Variants in NDRG3 observed in about 807,000 individuals in gnomAD.
NDRG3 encodes the protein NDRG family member 3.
NDRG3 carries 23 observed loss-of-function variants against 57.2 expected under a neutral mutation model. The ratio of observed to expected loss-of-function variants is 0.40; its 90% CI spans 0.29 to 0.57. The LOEUF (loss-of-function observed/expected upper bound fraction) is 0.57. NDRG3 is among the 20% of genes least tolerant of loss of function. NDRG3 has a pLI of 0.42. For missense variants in NDRG3, 384 were observed against 457.3 expected, an observed-to-expected ratio of 0.84 and a Z score of 1.46; for synonymous variants, 132 against 162.6, an observed-to-expected ratio of 0.81 and a Z score of 1.43.
At chr20:36,733,171 A>AAAATAT (rs1555807709) in intron 1 of NDRG3, among the ~76,000 whole-genome samples, 13 of 33,214 alleles carry the variant, frequency 3.9e-4, no homozygotes, top group East Asian at 1.4e-3. Context: ...AAAAAAAAAA[A>AAAATAT]ATATATATAT....
intron 8 of NDRG3, among the ~76,000 whole-genome samples, chr20:36,673,869 C>T (rs1267834066): frequency 6.6e-6 from 1 of 151,960 alleles, no homozygotes; most frequent in Non-Finnish European, 1.5e-5. Flanking sequence ...CTTTGGGAGG[C>T]CAAGACGGGT....
chr20:36,667,024 C>T (rs1371654074), intron 9 of NDRG3, among the ~76,000 whole-genome samples: 1 of 151,952 alleles, frequency 6.6e-6, no homozygotes, highest in Non-Finnish European at 1.5e-5. Context: ...TTAGTAGAGA[C>T]GGGGTCTCAC....
intron 13 of NDRG3, among the ~76,000 whole-genome samples, chr20:36,658,643 A>G (rs1978888585): frequency 6.6e-6 from 1 of 152,216 alleles, no homozygotes; most frequent in East Asian, 1.9e-4. Flanking sequence ...AATCTACAGT[A>G]GTCCAAGTTC....
At chr20:36,674,376 T>C (rs1056841553) in intron 8 of NDRG3, among the ~76,000 whole-genome samples, 26 of 151,468 alleles carry the variant, frequency 1.7e-4, no homozygotes, top group Non-Finnish European at 3.5e-4. Context: ...CTAATTTTTG[T>C]ATTTTTAGTA....
At chr20:36,729,331 A>G (rs1445240759) in intron 1 of NDRG3, among the ~76,000 whole-genome samples, 1 of 152,184 alleles carries the variant, frequency 6.6e-6, no homozygotes, top group Non-Finnish European at 1.5e-5. Context: ...TACTTGGCAA[A>G]CAGTTTCAGA....
At chr20:36,696,486 C>T (rs1371844944) in intron 3 of NDRG3, among the ~76,000 whole-genome samples, 2 of 151,488 alleles carry the variant, frequency 1.3e-5, no homozygotes, top group East Asian at 3.9e-4. Flanking sequence ...TGGCCTCTGG[C>T]TTTTTCTTTC....
intron 2 of NDRG3, among the ~76,000 whole-genome samples, chr20:36,716,335 C>T (rs1171543454): frequency 2.0e-5 from 3 of 152,054 alleles, no homozygotes; most frequent in Non-Finnish European, 4.4e-5. Context: ...GAGTTCAAGA[C>T]CAGCCTGGCC....
intron 5 of NDRG3, among the ~76,000 whole-genome samples, chr20:36,687,009 C>T (rs1451479547): frequency 2.0e-5 from 3 of 152,078 alleles, no homozygotes; most frequent in Admixed American, 6.6e-5. Flanking sequence ...TGAACACCAC[C>T]ATGCCTGGCT....
At chr20:36,744,867 T>C (rs1986105783) in intron 1 of NDRG3, among the ~76,000 whole-genome samples, 2 of 151,426 alleles carry the variant, frequency 1.3e-5, no homozygotes, top group Admixed American at 6.6e-5. Context: ...AAATCTGCTC[T>C]GTCACCTCCA....
chr20:36,665,146 T>C, intron 11 of NDRG3, 49 bp from the exon 12 acceptor site: 4 of 1,609,834 alleles, frequency 2.5e-6, no homozygotes, highest in Non-Finnish European at 3.4e-6. Flanking sequence ...GCACATAAAT[T>C]CCACTGAACA....
intron 2 of NDRG3, among the ~76,000 whole-genome samples, chr20:36,710,460 G>GA (rs1200892052): frequency 1.3e-5 from 2 of 151,698 alleles, no homozygotes; most frequent in Non-Finnish European, 2.9e-5. Context: ...TAGAAAACTA[G>GA]AAAAAAAGGG....
chr20:36,735,017 A>G (rs1195572698), intron 1 of NDRG3, among the ~76,000 whole-genome samples: 1 of 152,196 alleles, frequency 6.6e-6, no homozygotes, highest in Non-Finnish European at 1.5e-5. Flanking sequence ...AAGGGAGGAT[A>G]ACTTAAAGGC....
At chr20:36,739,094 C>G (rs1238536820) in intron 1 of NDRG3, among the ~76,000 whole-genome samples, 1 of 139,782 alleles carries the variant, frequency 7.2e-6, no homozygotes, top group African/African-American at 2.7e-5. Flanking sequence ...GAAATCCTGC[C>G]ACTGCACTCC....
At chr20:36,724,664 G>A (rs1044404197) in intron 1 of NDRG3, among the ~76,000 whole-genome samples, 22 of 152,016 alleles carry the variant, frequency 1.4e-4, no homozygotes, top group Non-Finnish European at 3.2e-4. Flanking sequence ...CCGGTGGCTC[G>A]CACCTGTAAT....
intron 3 of NDRG3, among the ~76,000 whole-genome samples, chr20:36,694,975 A>G (rs60705727): frequency 0.057 from 8,629 of 152,202 alleles, 857 homozygotes; most frequent in African/African-American, 0.2. Context: ...CCAGTGTTGC[A>G]GGAAGTCAGG....
intron 2 of NDRG3, among the ~76,000 whole-genome samples, chr20:36,718,618 C>T (rs1344885809): frequency 1.3e-5 from 2 of 152,094 alleles, no homozygotes; most frequent in Admixed American, 1.3e-4. Flanking sequence ...GGTTTGTGGA[C>T]AGCTGCCTTC....
In NDRG3 at chr20:36,730,201, T is replaced by G. The variant is rs56235687; in HGVS notation, c.-48-8418A>C. Among the ~76,000 whole-genome samples the G allele has an allele frequency of 1.1e-4, 17 of 150,580 alleles. No homozygotes were observed. The South Asian group carries it at 1.3e-3, about 11-fold the overall frequency. On this transcript the variant is annotated intron_variant, in intron 1 of 15. Transcript: ENST00000349004. ...GGCAGAGGTTGCAGTGAGGTGAGAT[T>G]GTGCCACTGCACTCCAGCCCGGGCG...
intron 3 of NDRG3, 59 bp downstream of exon 3, chr20:36,706,913 G>A (rs1983580924): frequency 1.4e-6 from 2 of 1,455,988 alleles, no homozygotes; most frequent in African/African-American, 2.8e-5. Flanking sequence ...ACCACCACAG[G>A]AAAGGAAACA....
At chr20:36,681,771 C>G (rs1981322411) in intron 7 of NDRG3, among the ~76,000 whole-genome samples, 2 of 151,484 alleles carry the variant, frequency 1.3e-5, no homozygotes, top group South Asian at 4.2e-4. Context: ...TATCTCGGCT[C>G]ACTACAATCT....
Sources: allele counts gnomAD v4.1 joint callset (sites outside exome capture counted in the v4.1 genomes callset), GRCh38; gene constraint gnomAD v4.1.1; transcripts MANE v1.5; gene names NCBI Gene and HGNC (gene_info 2026-07-23, HGNC 2026-07-21).